Variants in ZCCHC7 observed in about 807,000 individuals in gnomAD.
The protein encoded by ZCCHC7 is zinc finger CCHC-type containing 7.
In ZCCHC7, 35 loss-of-function variants were observed where a neutral mutation model predicts 52.0. The observed-to-expected ratio is 0.67, with a 90% CI of 0.51 to 0.89. The LOEUF (loss-of-function observed/expected upper bound fraction) is 0.89, where lower values mean the gene tolerates loss of function less well. Ranked by LOEUF, ZCCHC7 falls within the 40% of genes least tolerant of loss-of-function variation. The probability of loss-of-function intolerance (pLI) is 0.00; values close to 1 mark genes in which losing one functional copy is unlikely to be tolerated. For missense variants in ZCCHC7, 574 were observed against 649.1 expected (o/e 0.88, Z 1.26); for synonymous variants, 217 against 221.5 (o/e 0.98, Z 0.18).
At chr9:37,355,719 C>T (rs923865020) in intron 8 of ZCCHC7, among the ~76,000 whole-genome samples, 2 of 152,156 alleles carry the variant, frequency 1.3e-5, no homozygotes, top group African/African-American at 2.4e-5. Flanking sequence ...AGTAGCCGTT[C>T]GTATACACAA....
chr9:37,280,155 A>G (rs1827885401), intron 2 of ZCCHC7, among the ~76,000 whole-genome samples: 1 of 152,074 alleles, frequency 6.6e-6, no homozygotes, highest in Admixed American at 6.5e-5. Context: ...AAAAAAAGGG[A>G]TGTTTCAGAA....
chr9:37,162,417 A>G (rs1199162262), intron 2 of ZCCHC7, among the ~76,000 whole-genome samples: 1 of 152,152 alleles, frequency 6.6e-6, no homozygotes, highest in Non-Finnish European at 1.5e-5. Context: ...ATCCCCAGGG[A>G]ACCATTGCAT....
chr9:37,195,661 G>A (rs1823254357), intron 2 of ZCCHC7, among the ~76,000 whole-genome samples: 1 of 152,184 alleles, frequency 6.6e-6, no homozygotes, highest in South Asian at 2.1e-4. Context: ...AGAATAGATA[G>A]GGAGAACAGT....
intron 2 of ZCCHC7, among the ~76,000 whole-genome samples, chr9:37,198,311 G>A (rs893220422): frequency 6.6e-6 from 1 of 152,190 alleles, no homozygotes; most frequent in Non-Finnish European, 1.5e-5. Flanking sequence ...CTCCCAGAAT[G>A]TTACAACCAG....
intron 6 of ZCCHC7, among the ~76,000 whole-genome samples, chr9:37,331,541 G>A (rs1442290046): frequency 6.6e-6 from 1 of 151,514 alleles, no homozygotes; most frequent in Non-Finnish European, 1.5e-5. Context: ...CACTCCAGAA[G>A]GAAGGAATAA....
chr9:37,282,252 T>G (rs1827992574), intron 2 of ZCCHC7, among the ~76,000 whole-genome samples: 1 of 152,160 alleles, frequency 6.6e-6, no homozygotes, highest in Non-Finnish European at 1.5e-5. Context: ...AACTGTACAC[T>G]TAAGAATGGT....
intron 2 of ZCCHC7, among the ~76,000 whole-genome samples, chr9:37,175,804 T>C (rs1216367519): frequency 6.6e-6 from 1 of 152,202 alleles, no homozygotes; most frequent in Non-Finnish European, 1.5e-5. Flanking sequence ...ATTTTGTCTC[T>C]TTTATTATGG....
chr9:37,270,670 G>GA, intron 2 of ZCCHC7, among the ~76,000 whole-genome samples: 2 of 145,276 alleles, frequency 1.4e-5, no homozygotes, highest in South Asian at 4.4e-4. Flanking sequence ...CAACAAGAGC[G>GA]AAACTTTGTC....
intron 2 of ZCCHC7, among the ~76,000 whole-genome samples, chr9:37,236,570 A>G (rs993820615): frequency 6.6e-6 from 1 of 151,374 alleles, no homozygotes; most frequent in African/African-American, 2.4e-5. Flanking sequence ...TTTTTTTTGT[A>G]TTTTTAGCAG....
At chr9:37,267,491 G>C (rs1033082068) in intron 2 of ZCCHC7, among the ~76,000 whole-genome samples, 1 of 151,420 alleles carries the variant, frequency 6.6e-6, no homozygotes, top group Non-Finnish European at 1.5e-5. Context: ...CCTCGACCTC[G>C]ACCTCCCAAG....
intron 2 of ZCCHC7, among the ~76,000 whole-genome samples, chr9:37,300,937 G>A (rs544319436): frequency 6.6e-6 from 1 of 152,168 alleles, no homozygotes; most frequent in Non-Finnish European, 1.5e-5. Context: ...CCCCCACTAG[G>A]TTTTTACAGT....
chr9:37,321,077 C>T (rs1241505352), intron 5 of ZCCHC7, among the ~76,000 whole-genome samples: 3 of 150,150 alleles, frequency 2.0e-5, no homozygotes, highest in South Asian at 2.1e-4. Context: ...CAACTTCCGC[C>T]TCCTGGGTTC....
intron 2 of ZCCHC7, among the ~76,000 whole-genome samples, chr9:37,217,221 C>CTT (rs1279752747): frequency 3.3e-5 from 5 of 152,024 alleles, no homozygotes; most frequent in African/African-American, 1.2e-4. Flanking sequence ...ATTTCTAATT[C>CTT]TTAACAGTAT....
chr9:37,346,521 G>GA (rs1820983692), intron 6 of ZCCHC7, among the ~76,000 whole-genome samples: 2 of 151,982 alleles, frequency 1.3e-5, no homozygotes, highest in South Asian at 2.1e-4. Flanking sequence ...ACTAAAAATA[G>GA]AAAAAATAGC....
At chr9:37,308,609 GT>G (rs949464532) in intron 5 of ZCCHC7, among the ~76,000 whole-genome samples, 3 of 151,976 alleles carry the variant, frequency 2.0e-5, no homozygotes, top group African/African-American at 7.3e-5. Flanking sequence ...ATGAATGTAG[GT>G]TTTTTTAAAT....
rs1842553617 is a variant in ZCCHC7, at chr9:37,126,741, A to G, written c.409A>G (p.Ile137Val). ...GGTTGATAAGAAATGCAAGAGTGAT[A>G]TTGAGAAGCCTAAATCTGAAGAGAG... ...ELVDKKCKSDIEKPKSEERSG... is the reference protein window; with the variant it reads ...ELVDKKCKSDVEKPKSEERSG... The change falls in exon 2 of 9, where the codon ATT becomes GTT. Residue 137 changes from isoleucine (I) to valine (V), a missense_variant. Physicochemically the swap from Ile to Val is conservative, Grantham distance 29. This residue lies in a region of ZCCHC7 where 403 missense variants were observed against 461.2 expected (regional missense o/e 0.87). Coordinates refer to ENST00000336755, the MANE Select transcript of ZCCHC7 (RefSeq NM_032226.3). 2 of 1,614,182 alleles carry G rather than the reference A, an allele frequency of 1.2e-6. No homozygotes were observed. The highest frequency in any genetic ancestry group is 1.7e-6 in the Non-Finnish European group (2 of 1,180,034).
At chr9:37,309,006 G>GCAACATA (rs1829470583) in intron 5 of ZCCHC7, among the ~76,000 whole-genome samples, 1 of 150,800 alleles carries the variant, frequency 6.6e-6, no homozygotes, top group African/African-American at 2.4e-5. Context: ...AACAGCCTGG[G>GCAACATA]CAACATAGTG....
chr9:37,244,713 A>G lies in ZCCHC7; in HGVS notation c.611-57475A>G, dbSNP rs1171645340. Reference sequence around the variant, plus strand: ...AAATGTTTTGCACTGTTTGTTGGCTATGGCTGTGTCATGAGGGTTCTACCA... The same window carrying G: ...AAATGTTTTGCACTGTTTGTTGGCTGTGGCTGTGTCATGAGGGTTCTACCA... On this transcript the variant is annotated intron_variant, in intron 2 of 8. Coordinates refer to ENST00000336755, the MANE Select transcript of ZCCHC7 (RefSeq NM_032226.3). Among the ~76,000 whole-genome samples the G allele has an allele frequency of 4.0e-5, 6 of 151,848 alleles. No individual in the cohort carries two copies. The East Asian group carries it at 1.2e-3, about 29-fold the overall frequency.
intron 4 of ZCCHC7, among the ~76,000 whole-genome samples, 190 bp from the exon 5 acceptor site, chr9:37,305,354 G>A (rs1829249298): frequency 6.6e-6 from 1 of 152,124 alleles, no homozygotes; most frequent in Non-Finnish European, 1.5e-5. Flanking sequence ...TACAGACTAA[G>A]CCTTTTTGGC....
Sources: gnomAD v4.1 joint callset for allele counts (sites outside exome capture counted in the v4.1 genomes callset) on GRCh38, gnomAD v4.1.1 for gene constraint, gnomAD v4.1.1 regional missense constraint, MANE v1.5 for transcripts, NCBI Gene and HGNC (gene_info 2026-07-23, HGNC 2026-07-21) for gene names.